Variants in FTO observed in about 807,000 individuals in gnomAD.
The protein encoded by FTO is FTO alpha-ketoglutarate dependent dioxygenase, also known as alpha-ketoglutarate-dependent dioxygenase FTO.
In FTO, 47 loss-of-function variants were observed where a neutral mutation model predicts 63.9. The ratio of observed to expected loss-of-function variants is 0.74; its 90% CI spans 0.58 to 0.94. FTO has a LOEUF of 0.94. FTO is among the 40% of genes least tolerant of loss of function. The pLI, the probability that FTO is intolerant of heterozygous loss-of-function variation, is 0.00. For synonymous variants in FTO, 207 were observed against 224.4 expected, an observed-to-expected ratio of 0.92 and a Z score of 0.69; for missense variants, 562 against 618.1, an observed-to-expected ratio of 0.91 and a Z score of 0.96.
chr16:54,111,189 A>G (rs1599384243), intron 8 of FTO, among the ~76,000 whole-genome samples: 1 of 152,202 alleles, frequency 6.6e-6, no homozygotes, highest in African/African-American at 2.4e-5. Context: ...AGTGGAAATG[A>G]TTATTAACCT....
chr16:53,707,976 G>T (rs924335171), intron 1 of FTO, among the ~76,000 whole-genome samples: 1 of 152,164 alleles, frequency 6.6e-6, no homozygotes, highest in Non-Finnish European at 1.5e-5. Context: ...TACAATATGT[G>T]GTCTTCTTTC....
At chr16:54,095,072 T>C (rs2086485215) in intron 8 of FTO, among the ~76,000 whole-genome samples, 2 of 152,110 alleles carry the variant, frequency 1.3e-5, no homozygotes, top group South Asian at 4.1e-4. Context: ...TAACTCTTTT[T>C]TCTTTCTTTT....
At chr16:54,098,852 AC>A (rs1383428431) in intron 8 of FTO, among the ~76,000 whole-genome samples, 11 of 152,356 alleles carry the variant, frequency 7.2e-5, no homozygotes, top group Admixed American at 2.6e-4. Flanking sequence ...GAATTGAACC[AC>A]ATAGTCAAAA....
Position 54,048,256 on chromosome 16 carries a change from GAAA to G in FTO, c.1365-63491_1365-63489del, listed in dbSNP as rs111381976. 4.9e-3 allele frequency among the ~76,000 whole-genome samples: 652 copies of G among 133,994 alleles called. 5 individuals carry two copies. Among genetic ancestry groups the G allele is most frequent in the African/African-American group, 0.017 (607 of 36,320 alleles). The allele number at this position is 133,994 out of a possible 152,430, so 87.9% of individuals were successfully genotyped here. A position where few individuals can be genotyped will look rare whatever the true frequency, so the allele number is the denominator to read the frequency against. ...AAAAAATAAAAAAATAAAAATACTT[GAAA>G]AAAAAAAAAAAAAAGAAGCTAAGAT... On this transcript the variant is annotated intron_variant, in intron 8 of 8. Coordinates refer to ENST00000471389, the MANE Select transcript of FTO (RefSeq NM_001080432.3).
intron 4 of FTO, among the ~76,000 whole-genome samples, chr16:53,870,433 C>T (rs530319581): frequency 1.8e-4 from 28 of 152,218 alleles, no homozygotes; most frequent in African/African-American, 5.8e-4. Context: ...GTTACAGTTA[C>T]GGTTTTTCTA....
At chr16:54,100,943 C>T (rs1299703095) in intron 8 of FTO, among the ~76,000 whole-genome samples, 5 of 152,062 alleles carry the variant, frequency 3.3e-5, no homozygotes, top group South Asian at 2.1e-4. Context: ...CTGAAGAAAG[C>T]GTGGAGATGC....
At chr16:53,757,519 C>A (rs1598584323) in intron 1 of FTO, among the ~76,000 whole-genome samples, 1 of 150,906 alleles carries the variant, frequency 6.6e-6, no homozygotes. Context: ...ATACATAATA[C>A]CTATATTTAT....
At chr16:53,786,030 C>T (rs913554605) in intron 1 of FTO, among the ~76,000 whole-genome samples, 2 of 151,744 alleles carry the variant, frequency 1.3e-5, no homozygotes, top group African/African-American at 4.8e-5. Flanking sequence ...ATTTGACCTA[C>T]TTTTTAAAGG....
chr16:54,096,223 A>G (rs1380443953), intron 8 of FTO, among the ~76,000 whole-genome samples: 1 of 152,222 alleles, frequency 6.6e-6, no homozygotes, highest in African/African-American at 2.4e-5. Flanking sequence ...CGGCATAGAT[A>G]TTTATGTGGG....
At chr16:53,895,027 C>G (rs1030928668) in intron 7 of FTO, among the ~76,000 whole-genome samples, 5 of 152,054 alleles carry the variant, frequency 3.3e-5, no homozygotes, top group Admixed American at 6.6e-5. Context: ...TGGTTTAAAT[C>G]TTTGGTTTTT....
At chr16:53,980,263 C>T (rs369211948) in intron 8 of FTO, among the ~76,000 whole-genome samples, 108 of 152,224 alleles carry the variant, frequency 7.1e-4, no homozygotes, top group African/African-American at 2.3e-3. Flanking sequence ...CTCCTTTTAC[C>T]GAACAATTGT....
chr16:53,963,995 C>G (rs911787809), intron 8 of FTO, among the ~76,000 whole-genome samples: 7 of 152,172 alleles, frequency 4.6e-5, no homozygotes, highest in African/African-American at 1.7e-4. Context: ...TCAGGTCATC[C>G]TCCTGCCTTG....
chr16:53,862,262 A>C (rs1831283352), intron 4 of FTO, among the ~76,000 whole-genome samples: 1 of 152,022 alleles, frequency 6.6e-6, no homozygotes, highest in Admixed American at 6.6e-5. Flanking sequence ...ACAAACAAAC[A>C]AACAAAAAAA....
At chr16:53,812,349 C>T (rs1173154401) in intron 2 of FTO, among the ~76,000 whole-genome samples, 2 of 151,632 alleles carry the variant, frequency 1.3e-5, no homozygotes, top group Non-Finnish European at 2.9e-5. Context: ...GAGCTCACTG[C>T]ACCCTCTGCC....
chr16:53,983,850 A>G (rs1228623617), intron 8 of FTO, among the ~76,000 whole-genome samples: 1 of 152,208 alleles, frequency 6.6e-6, no homozygotes, highest in African/African-American at 2.4e-5. Flanking sequence ...CTGTTTTTCC[A>G]AAAGAAGCCA....
At chr16:53,802,331 GA>G (rs984124884) in intron 1 of FTO, among the ~76,000 whole-genome samples, 3 of 151,780 alleles carry the variant, frequency 2.0e-5, no homozygotes, top group Non-Finnish European at 2.9e-5. Flanking sequence ...ATAATGATAA[GA>G]AAAAAGTCTG....
At chr16:54,103,608 A>G (rs552664047) in intron 8 of FTO, among the ~76,000 whole-genome samples, 3 of 152,342 alleles carry the variant, frequency 2.0e-5, no homozygotes, top group Non-Finnish European at 4.4e-5. Flanking sequence ...TAGTGGTTCT[A>G]CAATAGGTAA....
At chr16:53,726,489 C>G (rs1049392588) in intron 1 of FTO, among the ~76,000 whole-genome samples, 1 of 152,150 alleles carries the variant, frequency 6.6e-6, no homozygotes, top group Non-Finnish European at 1.5e-5. Flanking sequence ...GAGGCTACCT[C>G]TGTGTCTAAA....
intron 8 of FTO, among the ~76,000 whole-genome samples, chr16:54,100,178 A>G (rs1330922494): frequency 6.6e-6 from 1 of 152,192 alleles, no homozygotes; most frequent in African/African-American, 2.4e-5. Context: ...GGAAGAATGC[A>G]AAGAGATTTC....
Sources: gnomAD v4.1 joint callset for allele counts (sites outside exome capture counted in the v4.1 genomes callset) on GRCh38, gnomAD v4.1.1 for gene constraint, MANE v1.5 for transcripts, NCBI Gene and HGNC (gene_info 2026-07-23, HGNC 2026-07-21) for gene names.